Variants in TAF10 observed in about 807,000 individuals in gnomAD.
TAF10 encodes TATA-box binding protein associated factor 10.
In TAF10, 2 loss-of-function variants were observed where a neutral mutation model predicts 18.1. That is an observed-to-expected ratio of 0.11 (90% CI 0.05 to 0.35). TAF10 has a LOEUF of 0.35. Among genes scored for constraint, TAF10 ranks in the 10% least tolerant of loss-of-function variants. The probability of loss-of-function intolerance (pLI) is 1.00; values close to 1 mark genes in which losing one functional copy is unlikely to be tolerated. For synonymous variants in TAF10, 158 were observed against 134.6 expected (o/e 1.17, Z -1.20); for missense variants, 293 against 306.9 (o/e 0.95, Z 0.34).
In TAF10 at chr11:6,609,602, G is replaced by A. The variant is rs1043390; in HGVS notation, c.*1320C>T. 0.27 allele frequency: 430,398 copies of A among 1,613,698 alleles called. 59,867 individuals are homozygous for A. The highest frequency in any genetic ancestry group is 0.48 in the African/African-American group (35,699 of 74,902). Reference sequence around the variant, plus strand: ...CTACTCTCATCACACACTGGATGCCGTATGGATCCCTCTACAATGTACTAC... The same window carrying A: ...CTACTCTCATCACACACTGGATGCCATATGGATCCCTCTACAATGTACTAC... On this transcript the variant is annotated 3_prime_UTR_variant, in exon 5 of 5. Transcript: ENST00000299424.
In TAF10 at chr11:6,609,886, C is replaced by G; in HGVS notation, c.*1036G>C. 6.2e-7 allele frequency: 1 copy of G among 1,614,202 alleles called. No individual in the cohort carries two copies. Among genetic ancestry groups the G allele is most frequent in the Non-Finnish European group, 8.5e-7 (1 of 1,180,044 alleles). ...CACTCCTGGCCCAGGCCCCAAAAGC[C>G]CTTTGCCTATCTATGACTTACCTCC... On this transcript the variant is annotated 3_prime_UTR_variant, in exon 5 of 5. Coordinates refer to ENST00000299424, the MANE Select transcript of TAF10 (RefSeq NM_006284.4).
intron 2 of TAF10, 66 bp from the exon 3 acceptor site, chr11:6,611,518 A>AT: frequency 6.2e-7 from 1 of 1,604,360 alleles, no homozygotes; most frequent in Non-Finnish European, 8.5e-7. Context: ...GATAGGCCTG[A>AT]TTATCAGGAA....
Position 6,609,292 on chromosome 11 carries a change from C to T in TAF10, c.*1630G>A. ...TTCAAGCCTCCTAACCCCTACCTGT[C>T]CTGCAGCTATGGAAGGGCCGCTGGC... On this transcript the variant is annotated 3_prime_UTR_variant, in exon 5 of 5. Transcript: ENST00000299424. The T allele has an allele frequency of 6.2e-7, 1 of 1,613,450 alleles. No individual in the cohort carries two copies. The highest frequency in any genetic ancestry group is 1.1e-5 in the South Asian group (1 of 91,074).
At position 6,608,121 on chromosome 11, in the gene TAF10, G is replaced by C; in HGVS notation, c.*2801C>G. On this transcript the variant is annotated 3_prime_UTR_variant, in exon 5 of 5. Transcript: ENST00000299424. The surrounding 1 kb of genome is among the most constrained non-coding windows in gnomAD (Gnocchi z 4.9). ...CTGCTGTGGTTGAGATGTTGATCAT[G>C]CGGGGGGCACGGATCAATGTAATGA... is the stretch of plus-strand genomic sequence containing the variant. 1.2e-6 allele frequency: 2 copies of C among 1,614,156 alleles called. No homozygotes were observed. Among genetic ancestry groups the C allele is most frequent in the South Asian group, 1.1e-5 (1 of 91,084 alleles).
In TAF10 at chr11:6,607,649, C is replaced by G. The variant is rs1589933261; in HGVS notation, c.*3273G>C. ...AAACTTAAAGGTCTAACAGACAAGA[C>G]AGTCCATTAACAGATTTTTACAATC... On this transcript the variant is annotated 3_prime_UTR_variant, in exon 5 of 5. Transcript: ENST00000299424. 3.3e-6 allele frequency: 1 copy of G among 301,958 alleles called. No individual in the cohort carries two copies. The highest frequency in any genetic ancestry group is 8.6e-5 in the East Asian group (1 of 11,592). 18.7% of individuals were successfully genotyped at this position (301,958 alleles called of 1,614,324 possible). A position where few individuals can be genotyped will look rare whatever the true frequency, so the allele number is the denominator to read the frequency against.
rs1589935112 is a variant in TAF10 at position 6,608,238 on chromosome 11, C to T, written c.*2684G>A. On this transcript the variant is annotated 3_prime_UTR_variant, in exon 5 of 5. Transcript: ENST00000299424. The surrounding 1 kb of genome is among the most constrained non-coding windows in gnomAD (Gnocchi z 4.9). ...TACGTACAAACTCCTTCGTCATCCA[C>T]ATCACATACATGCCATGAGGGTCAG... 3 of 1,612,538 alleles carry T rather than the reference C, an allele frequency of 1.9e-6. No homozygotes were observed. The highest frequency in any genetic ancestry group is 2.5e-6 in the Non-Finnish European group (3 of 1,178,472).
At position 6,610,192 on chromosome 11, in the gene TAF10, A is replaced by C. The variant is rs1394802490; in HGVS notation, c.*730T>G. 1 of 1,614,184 alleles carries C rather than the reference A, an allele frequency of 6.2e-7. No homozygotes were observed. Among genetic ancestry groups the C allele is most frequent in the Non-Finnish European group, 8.5e-7 (1 of 1,179,998 alleles). On this transcript the variant is annotated 3_prime_UTR_variant, in exon 5 of 5. Transcript: ENST00000299424. ...AGACACAAACAGACGCTCAGCAGAC[A>C]TGTGGAGTTTTGCAGTGCTTCTGTG...
At position 6,611,177 on chromosome 11, in the gene TAF10, C is replaced by T. The variant is rs1855447167; in HGVS notation, c.567+12G>A. 6.2e-7 allele frequency: 1 copy of T among 1,612,424 alleles called. No individual in the cohort carries two copies. The highest frequency in any genetic ancestry group is 1.3e-5 in the African/African-American group (1 of 75,020). ...GAAGGTAATTACTGATTCATTAAGC[C>T]TCCCCTCACACCTTGCTCTTGCTCC... is the stretch of plus-strand genomic sequence containing the variant. On this transcript the variant is annotated intron_variant, in intron 4 of 4. Transcript: ENST00000299424.
In TAF10 at chr11:6,610,206, A is replaced by T. The variant is rs754163187; in HGVS notation, c.*716T>A. On this transcript the variant is annotated 3_prime_UTR_variant, in exon 5 of 5. Transcript: ENST00000299424. ...GCTCAGCAGACATGTGGAGTTTTGCAGTGCTTCTGTGGGAACTGGTGACAC... is the reference window on the plus strand; with the variant it reads ...GCTCAGCAGACATGTGGAGTTTTGCTGTGCTTCTGTGGGAACTGGTGACAC... 1.4e-5 allele frequency: 23 copies of T among 1,614,204 alleles called. No homozygotes were observed. Among genetic ancestry groups the T allele is most frequent in the East Asian group, 1.3e-4 (6 of 44,888 alleles).
chr11:6,609,284 CT>C lies in TAF10; in HGVS notation c.*1637del. 3 of 1,613,206 alleles carry C rather than the reference CT, an allele frequency of 1.9e-6. No individual in the cohort carries two copies. Among genetic ancestry groups the C allele is most frequent in the Non-Finnish European group, 2.5e-6 (3 of 1,179,178 alleles). Reference sequence around the variant, plus strand: ...AGCAACATTTCAAGCCTCCTAACCCCTACCTGTCCTGCAGCTATGGAAGGGC... The same window carrying C: ...AGCAACATTTCAAGCCTCCTAACCCCACCTGTCCTGCAGCTATGGAAGGGC... On this transcript the variant is annotated 3_prime_UTR_variant, in exon 5 of 5. Coordinates refer to ENST00000299424, the MANE Select transcript of TAF10 (RefSeq NM_006284.4).
Position 6,609,335 on chromosome 11 carries a change from G to A in TAF10, c.*1587C>T, listed in dbSNP as rs545926425. 31 of 1,614,020 alleles carry A rather than the reference G, an allele frequency of 1.9e-5. No homozygotes were observed. Among genetic ancestry groups the A allele is most frequent in the South Asian group, 5.5e-5 (5 of 91,088 alleles). ...CCGCTGGCAGGGCAATGACATTGTC[G>A]TGAAGGTGCTGAAGGTTCGAGACTG... On this transcript the variant is annotated 3_prime_UTR_variant, in exon 5 of 5. Coordinates refer to ENST00000299424, the MANE Select transcript of TAF10 (RefSeq NM_006284.4).
Position 6,610,226 on chromosome 11 carries a change from T to C in TAF10, c.*696A>G. On this transcript the variant is annotated 3_prime_UTR_variant, in exon 5 of 5. Transcript: ENST00000299424. ...TTTGCAGTGCTTCTGTGGGAACTGG[T>C]GACACGGGAGGTACCCTTTGCTGAC... 1 of 1,614,162 alleles carries C rather than the reference T, an allele frequency of 6.2e-7. No individual in the cohort carries two copies. The highest frequency in any genetic ancestry group is 8.5e-7 in the Non-Finnish European group (1 of 1,180,022).
At position 6,610,646 on chromosome 11, in the gene TAF10, C is replaced by T. The variant is rs367866686; in HGVS notation, c.*276G>A. 265 of 1,613,424 alleles carry T rather than the reference C, an allele frequency of 1.6e-4. 1 individual carries two copies. The highest frequency in any genetic ancestry group is 2.0e-4 in the Non-Finnish European group (238 of 1,179,688). On this transcript the variant is annotated 3_prime_UTR_variant, in exon 5 of 5. Coordinates refer to ENST00000299424, the MANE Select transcript of TAF10 (RefSeq NM_006284.4). ...GTCCTTGCCTGAACTCCAGAGGTGTCGGGACATGGTTGGGGGAATGCACCT... is the reference window on the plus strand; with the variant it reads ...GTCCTTGCCTGAACTCCAGAGGTGTTGGGACATGGTTGGGGGAATGCACCT...
Position 6,610,233 on chromosome 11 carries a change from G to T in TAF10, c.*689C>A. On this transcript the variant is annotated 3_prime_UTR_variant, in exon 5 of 5. Coordinates refer to ENST00000299424, the MANE Select transcript of TAF10 (RefSeq NM_006284.4). ...TGCTTCTGTGGGAACTGGTGACACGGGAGGTACCCTTTGCTGACCTCTCCA... is the reference window on the plus strand; with the variant it reads ...TGCTTCTGTGGGAACTGGTGACACGTGAGGTACCCTTTGCTGACCTCTCCA... 1 of 1,614,230 alleles carries T rather than the reference G, an allele frequency of 6.2e-7. No homozygotes were observed. The highest frequency in any genetic ancestry group is 2.2e-5 in the East Asian group (1 of 44,888).
chr11:6,612,183 A>G lies in TAF10; in HGVS notation c.7T>C (p.Cys3Arg). Reference protein sequence around the residue: MSCSGSGADPEAA... With the variant: MSRSGSGADPEAA... Reference sequence around the variant, plus strand: ...TCGGGGTCCGCGCCGGAGCCGCTGCAGCTCATCGGGCCGGTGGGAGAGGCG... The same window carrying G: ...TCGGGGTCCGCGCCGGAGCCGCTGCGGCTCATCGGGCCGGTGGGAGAGGCG... Residue 3 changes from cysteine (C) to arginine (R), a missense_variant, in exon 1 of 5, where the codon TGC becomes CGC. Coordinates refer to ENST00000299424, the MANE Select transcript of TAF10 (RefSeq NM_006284.4). 1 of 1,215,146 alleles carries G rather than the reference A, an allele frequency of 8.2e-7. No homozygotes were observed. Among genetic ancestry groups the G allele is most frequent in the Non-Finnish European group, 1.0e-6 (1 of 970,898 alleles). 75.3% of individuals were successfully genotyped at this position (1,215,146 alleles called of 1,614,324 possible).
At chr11:6,611,572 TA>T (rs758253111) in intron 2 of TAF10, 91 bp downstream of exon 2, 17 of 1,590,140 alleles carry the variant, frequency 1.1e-5, no homozygotes, top group Non-Finnish European at 1.4e-5. Context: ...GAAGAGCGAC[TA>T]GGGGAGCAAA....
At position 6,610,645 on chromosome 11, in the gene TAF10, T is replaced by G. The variant is rs781115248; in HGVS notation, c.*277A>C. On this transcript the variant is annotated 3_prime_UTR_variant, in exon 5 of 5. Transcript: ENST00000299424. ...GGTCCTTGCCTGAACTCCAGAGGTG[T>G]CGGGACATGGTTGGGGGAATGCACC... 13 of 1,613,622 alleles carry G rather than the reference T, an allele frequency of 8.1e-6. No individual in the cohort carries two copies. The South Asian group carries it at 1.4e-4, about 18-fold the overall frequency.
rs1429491891 is a variant in TAF10 at position 6,610,697 on chromosome 11, C to T, written c.*225G>A. ...CCCCAAAGCAGCAGGCCTCTGGTTG[C>T]CTCCCCCGCCTCCAGTCATGGTACT... is the stretch of plus-strand genomic sequence containing the variant. On this transcript the variant is annotated 3_prime_UTR_variant, in exon 5 of 5. Transcript: ENST00000299424. The T allele has an allele frequency of 1.3e-6, 2 of 1,508,828 alleles. No homozygotes were observed. Among genetic ancestry groups the T allele is most frequent in the Non-Finnish European group, 1.8e-6 (2 of 1,091,396 alleles). The allele number at this position is 1,508,828 out of a possible 1,614,324, so 93.5% of individuals were successfully genotyped here.
Position 6,608,717 on chromosome 11 carries a change from T to C in TAF10, c.*2205A>G. 1 of 1,614,128 alleles carries C rather than the reference T, an allele frequency of 6.2e-7. No homozygotes were observed. Among genetic ancestry groups the C allele is most frequent in the Non-Finnish European group, 8.5e-7 (1 of 1,179,964 alleles). ...AGGACCTGGTGGCAAATGGGGCCCT[T>C]GTCAGCATCTGTAACAAGTATGGAG... is the stretch of plus-strand genomic sequence containing the variant. On this transcript the variant is annotated 3_prime_UTR_variant, in exon 5 of 5. Coordinates refer to ENST00000299424, the MANE Select transcript of TAF10 (RefSeq NM_006284.4). The surrounding 1 kb of genome is among the most constrained non-coding windows in gnomAD (Gnocchi z 4.9).
Sources: gnomAD v4.1 joint callset for allele counts on GRCh38, gnomAD v4.1.1 for gene constraint, Gnocchi (gnomAD v3.1) non-coding constraint, MANE v1.5 for transcripts, NCBI Gene and HGNC (gene_info 2026-07-23, HGNC 2026-07-21) for gene names.